ANKRD30B: variants seen among roughly 807,000 people sequenced by gnomAD.
ANKRD30B encodes the protein ankyrin repeat domain-containing protein 30B.
Under a neutral mutation model 202.2 loss-of-function variants are expected in ANKRD30B, and 144 were observed. That is an observed-to-expected ratio of 0.71 (90% CI 0.62 to 0.82). The LOEUF is 0.82. Ranked by LOEUF, ANKRD30B falls within the 40% of genes least tolerant of loss-of-function variation. The pLI, the probability that ANKRD30B is intolerant of heterozygous loss-of-function variation, is 0.00. For missense variants in ANKRD30B, 1,487 were observed against 1,669.1 expected (o/e 0.89, Z 1.90); for synonymous variants, 508 against 561.3 (o/e 0.91, Z 1.34).
intron 18 of ANKRD30B, 135 bp from the exon 19 acceptor site, chr18:14,797,526 A>G (rs1968995782): frequency 9.9e-7 from 1 of 1,007,904 alleles, no homozygotes; most frequent in Non-Finnish European, 1.5e-6. Flanking sequence ...CAATAACCCA[A>G]AGGACCCCAA....
chr18:14,922,397 T>C, the ANKRD30B span, among the ~76,000 whole-genome samples: 1 of 152,168 alleles, frequency 6.6e-6, no homozygotes, highest in South Asian at 2.1e-4. Context: ...GGCTCATGCC[T>C]GTAATCCTAG....
At chr18:14,773,911 C>T (rs1967185153) in intron 9 of ANKRD30B, among the ~76,000 whole-genome samples, 1 of 152,128 alleles carries the variant, frequency 6.6e-6, no homozygotes, top group African/African-American at 2.4e-5. Flanking sequence ...GCCTTGGCCT[C>T]CCAAAGTGCT....
chr18:14,845,939 A>G (rs1262184556), intron 39 of ANKRD30B, among the ~76,000 whole-genome samples: 1 of 152,174 alleles, frequency 6.6e-6, no homozygotes, highest in African/African-American at 2.4e-5. Flanking sequence ...ATTACATCCA[A>G]AAACTCCTAC....
chr18:14,805,221 C>A (rs1003918834), intron 24 of ANKRD30B, among the ~76,000 whole-genome samples: 6 of 150,722 alleles, frequency 4.0e-5, no homozygotes, highest in Non-Finnish European at 7.4e-5. Flanking sequence ...TATACCAAAC[C>A]AGACTAATTT....
chr18:14,751,770 C>T (rs1041240426), intron 1 of ANKRD30B, among the ~76,000 whole-genome samples: 1 of 151,980 alleles, frequency 6.6e-6, no homozygotes, highest in Non-Finnish European at 1.5e-5. Context: ...GTTTTTATTT[C>T]AACTCTCCTA....
the ANKRD30B span, among the ~76,000 whole-genome samples, chr18:14,904,529 C>A: frequency 6.6e-6 from 1 of 152,146 alleles, no homozygotes; most frequent in Non-Finnish European, 1.5e-5. Context: ...CTCCATTGAT[C>A]TTTTTCTATT....
chr18:14,877,029 C>T, the ANKRD30B span, among the ~76,000 whole-genome samples: 1 of 152,232 alleles, frequency 6.6e-6, no homozygotes, highest in African/African-American at 2.4e-5. Context: ...TATTGGCCAA[C>T]ATTCCTGGCT....
chr18:14,785,024 G>A (rs1445986061), intron 14 of ANKRD30B, among the ~76,000 whole-genome samples: 1 of 152,134 alleles, frequency 6.6e-6, no homozygotes, highest in Non-Finnish European at 1.5e-5. Flanking sequence ...TTGTGTGTGT[G>A]TGTGTCTGCG....
At chr18:14,922,654 C>CAAAAAAA in the ANKRD30B span, among the ~76,000 whole-genome samples, 1 of 104,864 alleles carries the variant, frequency 9.5e-6, no homozygotes, top group African/African-American at 3.6e-5. Context: ...GACTCCGTCT[C>CAAAAAAA]AAAAAAAAAA....
intron 30 of ANKRD30B, among the ~76,000 whole-genome samples, chr18:14,819,754 T>C (rs1041230845): frequency 6.6e-6 from 1 of 152,200 alleles, no homozygotes; most frequent in African/African-American, 2.4e-5. Context: ...CATGCTGTTT[T>C]GGTTACTGTA....
intron 5 of ANKRD30B, among the ~76,000 whole-genome samples, chr18:14,759,681 C>T (rs1914943355): frequency 6.6e-6 from 1 of 152,012 alleles, no homozygotes; most frequent in Non-Finnish European, 1.5e-5. Context: ...AGTTTTCTGC[C>T]CTTGGTGTGA....
In ANKRD30B at chr18:14,749,006, G is replaced by T. The variant is rs530314059; in HGVS notation, c.221+366G>T. 3.9e-5 allele frequency among the ~76,000 whole-genome samples: 6 copies of T among 152,236 alleles called. No homozygotes were observed. In the East Asian group the frequency reaches 1.2e-3, roughly 29 times the overall value. On this transcript the variant is annotated intron_variant, in intron 1 of 43. Coordinates refer to ENST00000690538, the MANE Select transcript of ANKRD30B (RefSeq NM_001367607.2). Reference sequence around the variant, plus strand: ...TACTTTTAATGTACAGGTTTTAAAAGATAATGTTAGATACACTATGAAATG... The same window carrying T: ...TACTTTTAATGTACAGGTTTTAAAATATAATGTTAGATACACTATGAAATG...
the ANKRD30B span, among the ~76,000 whole-genome samples, chr18:14,915,892 A>G: frequency 6.6e-6 from 1 of 152,242 alleles, no homozygotes; most frequent in Non-Finnish European, 1.5e-5. Flanking sequence ...AATAAAAAAC[A>G]TGGTATAACA....
At chr18:14,807,171 A>G (rs1315146402) in intron 24 of ANKRD30B, among the ~76,000 whole-genome samples, 1 of 151,136 alleles carries the variant, frequency 6.6e-6, no homozygotes, top group African/African-American at 2.4e-5. Flanking sequence ...TATACTTGAC[A>G]TGTCTAAATA....
chr18:14,882,024 A>G, the ANKRD30B span, among the ~76,000 whole-genome samples: 1 of 152,112 alleles, frequency 6.6e-6, no homozygotes, highest in African/African-American at 2.4e-5. Context: ...CTAATGGTCT[A>G]TCGATTTTAT....
chr18:14,765,113 G>T (rs992565761), intron 7 of ANKRD30B, among the ~76,000 whole-genome samples: 1 of 152,178 alleles, frequency 6.6e-6, no homozygotes, highest in East Asian at 1.9e-4. Context: ...GGGCATTCTG[G>T]TCGTGGTATA....
chr18:14,797,730 A>C, intron 19 of ANKRD30B, 41 bp downstream of exon 19: 1 of 1,606,886 alleles, frequency 6.2e-7, no homozygotes, highest in Non-Finnish European at 8.5e-7. Context: ...TTAACTACAT[A>C]TTTTTGAAGT....
At chr18:14,917,688 G>C in the ANKRD30B span, among the ~76,000 whole-genome samples, 1 of 152,182 alleles carries the variant, frequency 6.6e-6, no homozygotes, top group African/African-American at 2.4e-5. Context: ...TACACATGTG[G>C]GGCCATGTAA....
chr18:14,852,009 T>C lies in ANKRD30B; in HGVS notation c.4065T>C (p.Ala1355=), dbSNP rs768548097. 1.3e-6 allele frequency: 2 copies of C among 1,596,976 alleles called. No individual in the cohort carries two copies. The highest frequency in any genetic ancestry group is 2.3e-5 in the South Asian group (2 of 88,840). ...NEVLHQPLYE[A]QRKSKSPKIN... The stretch of plus-strand genomic sequence containing the variant: ...TGCTCCATCAACCACTTTATGAAGC[T>C]CAAAGGAAATCCAAAAGCCCAAAAA... The change falls in exon 42 of 44, where the codon GCT becomes GCC. Residue 1355 remains alanine, a synonymous_variant. Transcript: ENST00000690538.
Sources: allele counts gnomAD v4.1 joint callset (sites outside exome capture counted in the v4.1 genomes callset), GRCh38; gene constraint gnomAD v4.1.1; transcripts MANE v1.5; gene names NCBI Gene and HGNC (gene_info 2026-07-23, HGNC 2026-07-21).